The following MMD variants were observed in gnomAD, a reference collection of about 807,000 sequenced individuals.
The protein encoded by MMD is monocyte to macrophage differentiation associated, also known as monocyte to macrophage differentiation factor.
Under a neutral mutation model 33.6 loss-of-function variants are expected in MMD, and 22 were observed. That is an observed-to-expected ratio of 0.66 (90% CI 0.47 to 0.94). MMD has a LOEUF of 0.94. Among genes scored for constraint, MMD ranks in the 40% least tolerant of loss-of-function variants. MMD has a pLI of 0.00. For missense variants in MMD, 242 were observed against 309.8 expected, an observed-to-expected ratio of 0.78 and a Z score of 1.64; for synonymous variants, 97 against 103.2, an observed-to-expected ratio of 0.94 and a Z score of 0.36.
At chr17:55,397,555 C>T (rs921898108) in intron 6 of MMD, among the ~76,000 whole-genome samples, 40 of 149,262 alleles carry the variant, frequency 2.7e-4, no homozygotes, top group African/African-American at 9.6e-4. Context: ...GATGGAGTCT[C>T]ATGTTGTTGC....
chr17:55,403,352 GA>G (rs2082651128), intron 5 of MMD, among the ~76,000 whole-genome samples: 1 of 152,144 alleles, frequency 6.6e-6, no homozygotes, highest in African/African-American at 2.4e-5. Flanking sequence ...ACCCTTTTTG[GA>G]ATACCCTCTA....
intron 6 of MMD, among the ~76,000 whole-genome samples, chr17:55,397,271 C>T (rs1211100536): frequency 1.3e-5 from 2 of 151,632 alleles, no homozygotes; most frequent in Non-Finnish European, 2.9e-5. Flanking sequence ...CAGTGATTCT[C>T]CTGCCTCAGC....
intron 2 of MMD, 130 bp from the exon 3 acceptor site, chr17:55,411,547 C>T: frequency 8.7e-7 from 1 of 1,142,912 alleles, no homozygotes. Flanking sequence ...TTTGTCTCTC[C>T]TGGATAATCA....
chr17:55,417,147 A>T (rs1178803958), intron 1 of MMD, among the ~76,000 whole-genome samples: 2 of 152,186 alleles, frequency 1.3e-5, no homozygotes, highest in Non-Finnish European at 2.9e-5. Context: ...ACCCACCAGC[A>T]GATCTCAGAG....
chr17:55,414,555 TTCACAC>T (rs1381310415), intron 1 of MMD, among the ~76,000 whole-genome samples: 1 of 58,518 alleles, frequency 1.7e-5, no homozygotes, highest in African/African-American at 7.7e-5. Flanking sequence ...TCCTCCTCCA[TTCACAC>T]ACACACACAC....
chr17:55,407,919 T>C, intron 3 of MMD, 99 bp from the exon 4 acceptor site: 1 of 793,964 alleles, frequency 1.3e-6, no homozygotes, highest in Non-Finnish European at 1.9e-6. Context: ...CTTGTTCTAG[T>C]TCTCATGGCC....
In MMD at chr17:55,421,655, C is replaced by G. The variant is rs1165816678; in HGVS notation, c.26+15G>C. The G allele has an allele frequency of 1.1e-5, 17 of 1,598,628 alleles. No individual in the cohort carries two copies. Among genetic ancestry groups the G allele is most frequent in the East Asian group, 2.3e-5 (1 of 43,008 alleles). On this transcript the variant is annotated intron_variant, in intron 1 of 6. Transcript: ENST00000262065. Reference sequence around the variant, plus strand: ...TCTGACACGGGCAGCGGGACCGGGACGCCATCCCTCTCACCGCTGGAATCG... The same window carrying G: ...TCTGACACGGGCAGCGGGACCGGGAGGCCATCCCTCTCACCGCTGGAATCG...
intron 5 of MMD, among the ~76,000 whole-genome samples, chr17:55,403,006 T>A (rs530364291): frequency 6.6e-6 from 1 of 152,284 alleles, no homozygotes; most frequent in African/African-American, 2.4e-5. Flanking sequence ...ATAAACCCAA[T>A]GACAAAGATT....
intron 1 of MMD, among the ~76,000 whole-genome samples, chr17:55,414,946 C>A (rs1285394722): frequency 6.6e-6 from 1 of 152,156 alleles, no homozygotes. Context: ...TTCATATATA[C>A]ACACAAATGT....
chr17:55,407,333 A>C (rs1907594570), intron 4 of MMD, among the ~76,000 whole-genome samples: 1 of 151,146 alleles, frequency 6.6e-6, no homozygotes, highest in South Asian at 2.1e-4. Context: ...TAAATAAATA[A>C]ATAAATAAAT....
chr17:55,415,729 G>A (rs1406615965), intron 1 of MMD, among the ~76,000 whole-genome samples: 1 of 152,112 alleles, frequency 6.6e-6, no homozygotes, highest in Non-Finnish European at 1.5e-5. Context: ...TTGGGACAGT[G>A]AAGATATTTC....
chr17:55,397,715 TATTTTTAGTAGAGAC>T (rs1352048266), intron 6 of MMD, among the ~76,000 whole-genome samples: 2 of 151,858 alleles, frequency 1.3e-5, no homozygotes, highest in Non-Finnish European at 2.9e-5. Context: ...CTAATTTTTG[TATTTTTAGTAGAGAC>T]AGGGTTTCAC....
intron 5 of MMD, 69 bp downstream of exon 5, chr17:55,403,698 G>T: frequency 9.4e-7 from 1 of 1,060,530 alleles, no homozygotes; most frequent in Non-Finnish European, 1.4e-6. Context: ...AAAGTAAATT[G>T]TATTGCAGTG....
chr17:55,410,831 A>G (rs1907731245), intron 3 of MMD, among the ~76,000 whole-genome samples: 2 of 152,236 alleles, frequency 1.3e-5, no homozygotes, highest in South Asian at 4.1e-4. Context: ...CTGAGGCTCC[A>G]CAAGGTCAAG....
chr17:55,410,715 G>T (rs1220905514), intron 3 of MMD, among the ~76,000 whole-genome samples: 1 of 152,146 alleles, frequency 6.6e-6, no homozygotes, highest in African/African-American at 2.4e-5. Flanking sequence ...CACACTCATA[G>T]GGTCTTTTGT....
At chr17:55,415,658 G>A (rs1907940294) in intron 1 of MMD, among the ~76,000 whole-genome samples, 1 of 152,158 alleles carries the variant, frequency 6.6e-6, no homozygotes, top group Non-Finnish European at 1.5e-5. Flanking sequence ...TAAAAATAAA[G>A]TGGCAGCCAC....
chr17:55,406,787 G>A (rs1343903119), intron 4 of MMD, among the ~76,000 whole-genome samples: 1 of 151,998 alleles, frequency 6.6e-6, no homozygotes, highest in Non-Finnish European at 1.5e-5. Context: ...TTGGGAGAAA[G>A]AGGTGGGAGA....
At chr17:55,404,250 G>A (rs1393035495) in intron 4 of MMD, among the ~76,000 whole-genome samples, 3 of 152,084 alleles carry the variant, frequency 2.0e-5, no homozygotes, top group Non-Finnish European at 4.4e-5. Context: ...AGTTGCTCGG[G>A]AGGCTGAGGC....
rs952113313 is a variant in MMD, at chr17:55,411,787, G to A, written c.109-370C>T. 4.0e-5 allele frequency among the ~76,000 whole-genome samples: 6 copies of A among 151,684 alleles called. No homozygotes were observed. The East Asian group carries it at 7.7e-4, about 20-fold the overall frequency. On this transcript the variant is annotated intron_variant, in intron 2 of 6. Coordinates refer to ENST00000262065, the MANE Select transcript of MMD (RefSeq NM_012329.3). ...GAGTAATTACTTAAAATATTCAAAT[G>A]CCAAGCAGGCAGGGTGTGGTAGCTC...
Sources: allele counts gnomAD v4.1 joint callset (sites outside exome capture counted in the v4.1 genomes callset), GRCh38; gene constraint gnomAD v4.1.1; transcripts MANE v1.5; gene names NCBI Gene and HGNC (gene_info 2026-07-23, HGNC 2026-07-21).